The following PTPRD variants were observed in gnomAD, a reference collection of about 807,000 sequenced individuals.
PTPRD encodes protein tyrosine phosphatase receptor type D, also known as receptor-type tyrosine-protein phosphatase delta.
Under a neutral mutation model 214.5 loss-of-function variants are expected in PTPRD, and 34 were observed. The ratio of observed to expected loss-of-function variants is 0.16; its 90% CI spans 0.12 to 0.21. PTPRD has a LOEUF of 0.21. Ranked by LOEUF, PTPRD falls within the 10% of genes least tolerant of loss-of-function variation. PTPRD has a pLI of 1.00. For synonymous variants in PTPRD, 1,128 were observed against 845.7 expected, an observed-to-expected ratio of 1.33 and a Z score of -5.79; for missense variants, 2,545 against 2,398.7, an observed-to-expected ratio of 1.06 and a Z score of -1.27.
At chr9:8,671,316 G>T (rs2097281164) in intron 12 of PTPRD, among the ~76,000 whole-genome samples, 1 of 152,054 alleles carries the variant, frequency 6.6e-6, no homozygotes, top group Admixed American at 6.6e-5. Flanking sequence ...AAAGTAAAAT[G>T]AGAGTGGAAG....
At chr9:9,355,468 A>G (rs562712819) in intron 9 of PTPRD, among the ~76,000 whole-genome samples, 17 of 151,814 alleles carry the variant, frequency 1.1e-4, no homozygotes, top group Non-Finnish European at 1.2e-4. Flanking sequence ...CATGAATAAG[A>G]TAAAGAGTGG....
chr9:9,784,857 A>T (rs1361288971), intron 5 of PTPRD, among the ~76,000 whole-genome samples: 1 of 146,636 alleles, frequency 6.8e-6, no homozygotes, highest in Non-Finnish European at 1.5e-5. Context: ...TGTATTATAT[A>T]TTATATATAT....
intron 4 of PTPRD, among the ~76,000 whole-genome samples, chr9:9,941,856 T>C (rs895358307): frequency 6.6e-6 from 1 of 152,150 alleles, no homozygotes; most frequent in African/African-American, 2.4e-5. Context: ...GCACTACAAT[T>C]GATTGATTTC....
At chr9:8,916,914 A>G (rs1342115230) in intron 11 of PTPRD, among the ~76,000 whole-genome samples, 1 of 152,166 alleles carries the variant, frequency 6.6e-6, no homozygotes, top group Non-Finnish European at 1.5e-5. Context: ...CTGTGGTATC[A>G]AATATCCAAA....
intron 21 of PTPRD, among the ~76,000 whole-genome samples, chr9:8,514,432 T>G (rs2097745958): frequency 6.6e-6 from 1 of 152,154 alleles, no homozygotes; most frequent in Admixed American, 6.5e-5. Flanking sequence ...CCAAATTTAT[T>G]TAAATTTAGT....
intron 2 of PTPRD, among the ~76,000 whole-genome samples, chr9:10,568,401 A>G (rs1457877340): frequency 6.6e-6 from 1 of 151,926 alleles, no homozygotes; most frequent in African/African-American, 2.4e-5. Flanking sequence ...AGTCTTTGCT[A>G]TTGTGAATAG....
chr9:10,158,261 C>T (rs1335749092), intron 3 of PTPRD, among the ~76,000 whole-genome samples: 1 of 152,118 alleles, frequency 6.6e-6, no homozygotes, highest in Non-Finnish European at 1.5e-5. Context: ...CCCACTTCGG[C>T]CCCCTGAAGT....
chr9:9,037,375 G>C (rs891573449), intron 10 of PTPRD, among the ~76,000 whole-genome samples: 1 of 152,078 alleles, frequency 6.6e-6, no homozygotes. Flanking sequence ...AGGATATAGA[G>C]ACAATAGTTT....
intron 9 of PTPRD, among the ~76,000 whole-genome samples, chr9:9,371,266 A>G (rs1056786004): frequency 1.3e-5 from 2 of 152,002 alleles, no homozygotes; most frequent in Non-Finnish European, 2.9e-5. Context: ...TTGGTAAGGT[A>G]TTAATTATTG....
intron 2 of PTPRD, among the ~76,000 whole-genome samples, chr9:10,560,106 C>G (rs2063533826): frequency 6.6e-6 from 1 of 152,108 alleles, no homozygotes; most frequent in South Asian, 2.1e-4. Flanking sequence ...AACACATGCA[C>G]ACGTATGTTT....
intron 9 of PTPRD, among the ~76,000 whole-genome samples, chr9:9,219,802 G>A (rs550807365): frequency 7.2e-4 from 110 of 152,278 alleles, no homozygotes; most frequent in Non-Finnish European, 1.3e-3. Context: ...GGCGGACAGT[G>A]AAAATCTGGC....
chr9:8,998,046 TA>T (rs971466107), intron 11 of PTPRD, among the ~76,000 whole-genome samples: 2 of 151,210 alleles, frequency 1.3e-5, no homozygotes, highest in South Asian at 2.1e-4. Context: ...TCATGAGTTT[TA>T]AAAAAAAAGC....
intron 2 of PTPRD, among the ~76,000 whole-genome samples, chr9:10,455,557 T>C (rs138504967): frequency 3.6e-4 from 55 of 151,868 alleles, no homozygotes; most frequent in Non-Finnish European, 6.9e-4. Flanking sequence ...CACATTATTT[T>C]GCTTTACAGT....
At chr9:10,110,319 T>A (rs1385759910) in intron 3 of PTPRD, among the ~76,000 whole-genome samples, 1 of 152,182 alleles carries the variant, frequency 6.6e-6, no homozygotes, top group Admixed American at 6.5e-5. Flanking sequence ...ATTATTGCTG[T>A]CATTCTGTAG....
intron 2 of PTPRD, among the ~76,000 whole-genome samples, chr9:10,538,285 A>C (rs889599955): frequency 1.4e-5 from 2 of 146,488 alleles, no homozygotes; most frequent in Admixed American, 6.7e-5. Context: ...TAAATAAATA[A>C]ATAAATAAAT....
intron 2 of PTPRD, among the ~76,000 whole-genome samples, chr9:10,360,827 G>A (rs2097366719): frequency 6.6e-6 from 1 of 152,126 alleles, no homozygotes; most frequent in South Asian, 2.1e-4. Context: ...TTAAGGCCAG[G>A]CGCGGTGGCT....
chr9:8,330,432 G>C (rs1267037215), intron 44 of PTPRD, among the ~76,000 whole-genome samples: 2 of 152,130 alleles, frequency 1.3e-5, no homozygotes, highest in Non-Finnish European at 2.9e-5. Flanking sequence ...CAAAAAGTAT[G>C]TGTGACTCCC....
At chr9:10,561,464 T>C (rs941520646) in intron 2 of PTPRD, among the ~76,000 whole-genome samples, 1 of 152,180 alleles carries the variant, frequency 6.6e-6, no homozygotes, top group Non-Finnish European at 1.5e-5. Context: ...CGTGATTATA[T>C]GCACTTATCA....
At chr9:9,668,034 C>G (rs550142542) in intron 7 of PTPRD, among the ~76,000 whole-genome samples, 16 of 152,038 alleles carry the variant, frequency 1.1e-4, no homozygotes, top group Admixed American at 2.6e-4. Flanking sequence ...TTTTCAAATT[C>G]AAAATCAGAG....
Sources: allele counts gnomAD v4.1 joint callset (sites outside exome capture counted in the v4.1 genomes callset), GRCh38; gene constraint gnomAD v4.1.1; transcripts MANE v1.5; gene names NCBI Gene and HGNC (gene_info 2026-07-23, HGNC 2026-07-21).